Variants in PRKG1 observed in about 807,000 individuals in gnomAD.
PRKG1 encodes the protein protein kinase cGMP-dependent 1.
In PRKG1, 35 loss-of-function variants were observed where a neutral mutation model predicts 88.1. The ratio of observed to expected loss-of-function variants is 0.40; its 90% CI spans 0.30 to 0.53. PRKG1 has a LOEUF of 0.53. Among genes scored for constraint, PRKG1 ranks in the 20% least tolerant of loss-of-function variants. PRKG1 has a pLI of 0.59. For missense variants in PRKG1, 540 were observed against 839.8 expected (o/e 0.64, Z 4.41); for synonymous variants, 303 against 292.5 (o/e 1.04, Z -0.37).
At chr10:51,944,343 C>G (rs1289196554) in intron 5 of PRKG1, among the ~76,000 whole-genome samples, 3 of 151,968 alleles carry the variant, frequency 2.0e-5, no homozygotes, top group African/African-American at 4.8e-5. Context: ...ATTCTTTTCT[C>G]TTTTCTTCTT....
chr10:52,106,705 A>AAAAT (rs1847431813), intron 7 of PRKG1, among the ~76,000 whole-genome samples: 1 of 140,048 alleles, frequency 7.1e-6, no homozygotes, highest in East Asian at 2.1e-4. Context: ...CTCTGTCCCA[A>AAAAT]AATAATAATA....
At position 52,271,363 on chromosome 10, in the gene PRKG1, G is replaced by C. The variant is rs770212084; in HGVS notation, c.1187G>C (p.Ser396Thr). The C allele has an allele frequency of 6.2e-7, 1 of 1,612,494 alleles. No homozygotes were observed. The highest frequency in any genetic ancestry group is 1.1e-5 in the South Asian group (1 of 91,018). Reference sequence around the variant, plus strand: ...TCTTTCTTTAAGGTCCAGTTGAAAAGTGAAGAATCCAAAACGTTTGCAATG... The same window carrying C: ...TCTTTCTTTAAGGTCCAGTTGAAAACTGAAGAATCCAAAACGTTTGCAATG... ...FGRVELVQLKSEESKTFAMKI... is the reference protein window; with the variant it reads ...FGRVELVQLKTEESKTFAMKI... Residue 396 changes from serine (S) to threonine (T), a missense_variant, in exon 11 of 18, where the codon AGT becomes ACT. Physicochemically the swap from Ser to Thr is moderately conservative, Grantham distance 58. This residue lies in a region of PRKG1 where 400 missense variants were observed against 562.7 expected (regional missense o/e 0.71). Transcript: ENST00000373980.
intron 5 of PRKG1, among the ~76,000 whole-genome samples, chr10:52,018,763 A>G (rs929236599): frequency 2.2e-4 from 33 of 152,190 alleles, no homozygotes; most frequent in African/African-American, 8.0e-4. Flanking sequence ...GGGAAGATAC[A>G]TTGAATTCAA....
intron 12 of PRKG1, among the ~76,000 whole-genome samples, chr10:52,275,711 G>C (rs578242826): frequency 9.9e-5 from 15 of 152,074 alleles, no homozygotes; most frequent in African/African-American, 3.1e-4. Flanking sequence ...TTCTAATTCT[G>C]TGAAGAATGA....
chr10:51,945,252 G>A (rs1475796664), intron 5 of PRKG1, among the ~76,000 whole-genome samples: 1 of 149,454 alleles, frequency 6.7e-6, no homozygotes, highest in African/African-American at 2.5e-5. Flanking sequence ...TTTAAAGTGT[G>A]TTTTATCAGA....
chr10:51,421,150 G>T (rs1838403871), intron 2 of PRKG1, among the ~76,000 whole-genome samples: 1 of 150,158 alleles, frequency 6.7e-6, no homozygotes, highest in African/African-American at 2.4e-5. Context: ...GGCACTCTGT[G>T]CCTTTTATTT....
intron 4 of PRKG1, among the ~76,000 whole-genome samples, chr10:51,863,771 A>G (rs1424727852): frequency 5.9e-5 from 9 of 152,210 alleles, no homozygotes; most frequent in African/African-American, 2.2e-4. Context: ...TCTGTTCCTT[A>G]TAAATTACCC....
intron 11 of PRKG1, 51 bp from the exon 12 acceptor site, chr10:52,272,341 G>T (rs762644255): frequency 2.1e-6 from 3 of 1,427,592 alleles, no homozygotes; most frequent in Admixed American, 4.0e-5. Context: ...TTGCACACTT[G>T]TAAAAGACAG....
chr10:51,170,437 T>TAC (rs56159895), intron 2 of PRKG1, among the ~76,000 whole-genome samples: 4,505 of 144,638 alleles, frequency 0.031, 79 homozygotes, highest in Middle Eastern at 0.047. Flanking sequence ...TGTCTGGGTA[T>TAC]ACACACACAC....
intron 5 of PRKG1, among the ~76,000 whole-genome samples, chr10:52,002,903 G>C (rs777448585): frequency 1.3e-5 from 2 of 152,144 alleles, no homozygotes; most frequent in Non-Finnish European, 2.9e-5. Context: ...CAGCAAAAGT[G>C]TGAGAGTAAA....
chr10:51,729,652 A>G (rs1206103736), intron 3 of PRKG1, among the ~76,000 whole-genome samples: 1 of 133,288 alleles, frequency 7.5e-6, no homozygotes, highest in Non-Finnish European at 1.6e-5. Context: ...GTTTGCAGTG[A>G]GCCGAGGTCA....
chr10:51,944,088 C>A (rs11592125), intron 5 of PRKG1, among the ~76,000 whole-genome samples: 16,796 of 151,838 alleles, frequency 0.11, 1,217 homozygotes, highest in East Asian at 0.35. Context: ...TGGTCCTGGA[C>A]TCTTTTTGGT....
intron 1 of PRKG1, among the ~76,000 whole-genome samples, chr10:51,047,309 C>G (rs989990804): frequency 1.3e-5 from 2 of 152,168 alleles, no homozygotes; most frequent in African/African-American, 2.4e-5. Context: ...TACTTACATT[C>G]TGTAAGCCCC....
At chr10:52,068,090 C>A (rs1284695162) in intron 7 of PRKG1, among the ~76,000 whole-genome samples, 2 of 137,356 alleles carry the variant, frequency 1.5e-5, no homozygotes, top group African/African-American at 5.0e-5. Context: ...GTAGTCCCAG[C>A]TACACGGGAG....
intron 3 of PRKG1, among the ~76,000 whole-genome samples, chr10:51,671,572 T>TTCTCTCTCTCTC (rs775680768): frequency 6.6e-6 from 1 of 150,988 alleles, no homozygotes; most frequent in African/African-American, 2.4e-5. Flanking sequence ...GTGCCTCTTC[T>TTCTCTCTCTCTC]TCTCTCTCTC....
intron 4 of PRKG1, among the ~76,000 whole-genome samples, chr10:51,880,128 TA>T (rs1246218474): frequency 2.6e-5 from 4 of 152,194 alleles, no homozygotes; most frequent in African/African-American, 9.7e-5. Context: ...TGTATTTGAT[TA>T]AAAAATATTT....
intron 3 of PRKG1, among the ~76,000 whole-genome samples, chr10:51,563,650 A>G (rs4145285): frequency 0.4 from 61,356 of 152,016 alleles, 13,112 homozygotes; most frequent in East Asian, 0.88. Flanking sequence ...GGAAAAGCAC[A>G]TGTATAGTAG....
chr10:52,078,910 C>T (rs191334246), intron 7 of PRKG1, among the ~76,000 whole-genome samples: 68 of 152,328 alleles, frequency 4.5e-4, no homozygotes, highest in African/African-American at 1.6e-3. Context: ...TTTTTATTAT[C>T]CCTTTCAATG....
intron 7 of PRKG1, among the ~76,000 whole-genome samples, chr10:52,079,052 AC>A (rs1436407749): frequency 6.6e-6 from 1 of 152,200 alleles, no homozygotes; most frequent in Non-Finnish European, 1.5e-5. Context: ...TGCTCTTCAA[AC>A]AGTTTCCTCT....
Sources: allele counts gnomAD v4.1 joint callset (sites outside exome capture counted in the v4.1 genomes callset), GRCh38; gene constraint gnomAD v4.1.1; regional missense constraint gnomAD v4.1.1; transcripts MANE v1.5; gene names NCBI Gene and HGNC (gene_info 2026-07-23, HGNC 2026-07-21).